The following ZEB1 variants were observed in gnomAD, a reference collection of about 807,000 sequenced individuals.
ZEB1 encodes zinc finger E-box-binding homeobox 1.
A neutral mutation model predicts 84.9 loss-of-function variants in ZEB1; 21 were observed. The ratio of observed to expected loss-of-function variants is 0.25; its 90% CI spans 0.18 to 0.36. The LOEUF (loss-of-function observed/expected upper bound fraction) is 0.36, where lower values mean the gene tolerates loss of function less well. ZEB1 is among the 10% of genes least tolerant of loss of function. ZEB1 has a pLI of 1.00. For synonymous variants in ZEB1, 420 were observed against 471.1 expected, an observed-to-expected ratio of 0.89 and a Z score of 1.41; for missense variants, 1,104 against 1,330.2, an observed-to-expected ratio of 0.83 and a Z score of 2.65.
intron 1 of ZEB1, among the ~76,000 whole-genome samples, chr10:31,394,365 T>C (rs921373836): frequency 4.6e-5 from 7 of 152,194 alleles, no homozygotes; most frequent in African/African-American, 9.6e-5. Context: ...TGGGAAGACA[T>C]TGACGCTCAG....
intron 1 of ZEB1, among the ~76,000 whole-genome samples, chr10:31,447,286 T>C (rs2059917299): frequency 6.8e-6 from 1 of 147,912 alleles, no homozygotes; most frequent in South Asian, 2.2e-4. Flanking sequence ...CCTCCATCCT[T>C]TTATTTTGAG....
At chr10:31,428,881 T>C (rs529583037) in intron 1 of ZEB1, among the ~76,000 whole-genome samples, 16 of 152,240 alleles carry the variant, frequency 1.1e-4, no homozygotes, top group Non-Finnish European at 1.9e-4. Context: ...TTGCAACCCC[T>C]GCTTTTTGTT....
chr10:31,454,841 A>G (rs926919801), intron 1 of ZEB1, among the ~76,000 whole-genome samples: 3 of 152,172 alleles, frequency 2.0e-5, no homozygotes, highest in African/African-American at 7.2e-5. Flanking sequence ...TACTGCCGAA[A>G]GTAATTTATA....
intron 1 of ZEB1, among the ~76,000 whole-genome samples, chr10:31,441,395 C>G (rs1180062441): frequency 1.3e-5 from 2 of 152,150 alleles, no homozygotes; most frequent in East Asian, 1.9e-4. Flanking sequence ...ACACCTGATA[C>G]AAAAATTAAT....
chr10:31,452,747 GAGAGAGA>G lies in ZEB1; in HGVS notation c.59-8289_59-8283del. On this transcript the variant is annotated intron_variant, in intron 1 of 8. Transcript: ENST00000424869. ...TGTGTGTGTGTGTGTGTGTGTGAGAGAGAGAGAGAGAGAGAGAGAGAGAGAGAGATGT... is the reference window on the plus strand; with the variant it reads ...TGTGTGTGTGTGTGTGTGTGTGAGAGGAGAGAGAGAGAGAGAGAGAGATGT... Among the ~76,000 whole-genome samples the G allele has an allele frequency of 5.1e-5, 5 of 97,134 alleles. No individual in the cohort carries two copies. The South Asian group carries it at 1.6e-3, about 32-fold the overall frequency. 63.7% of individuals were successfully genotyped at this position (97,134 alleles called of 152,430 possible).
At chr10:31,430,732 C>A (rs2057609220) in intron 1 of ZEB1, among the ~76,000 whole-genome samples, 1 of 152,068 alleles carries the variant, frequency 6.6e-6, no homozygotes. Flanking sequence ...GGAAATAAAT[C>A]AGTCTATGGA....
At chr10:31,346,294 G>A (rs182956710) in intron 1 of ZEB1, among the ~76,000 whole-genome samples, 1 of 152,214 alleles carries the variant, frequency 6.6e-6, no homozygotes, top group African/African-American at 2.4e-5. Flanking sequence ...CTACTTCAGG[G>A]TTATTTTAAG....
chr10:31,431,550 C>A (rs2057713629), intron 1 of ZEB1, among the ~76,000 whole-genome samples: 1 of 151,934 alleles, frequency 6.6e-6, no homozygotes, highest in Admixed American at 6.6e-5. Context: ...TTTTAATAAG[C>A]TTTTTTAAAC....
In ZEB1 at chr10:31,365,049, C is replaced by CT. The variant is rs2044198445; in HGVS notation, c.58+45758dup. 2.6e-5 allele frequency among the ~76,000 whole-genome samples: 4 copies of CT among 152,266 alleles called. No individual in the cohort carries two copies. In the South Asian group the frequency reaches 8.3e-4, roughly 32 times the overall value. ...TTTCACCCCAGATGTTCTTTCTCGT[C>CT]TGATGGGAAGGATCCAAGTATGTAA... On this transcript the variant is annotated intron_variant, in intron 1 of 8. Transcript: ENST00000424869.
At chr10:31,370,539 C>T (rs1052334604) in intron 1 of ZEB1, among the ~76,000 whole-genome samples, 1 of 152,148 alleles carries the variant, frequency 6.6e-6, no homozygotes, top group East Asian at 1.9e-4. Context: ...GAATGTATGT[C>T]TTAAAGCTAA....
intron 1 of ZEB1, among the ~76,000 whole-genome samples, chr10:31,449,015 G>T (rs1401984695): frequency 6.6e-6 from 1 of 152,210 alleles, no homozygotes; most frequent in Admixed American, 6.5e-5. Context: ...CCCCAGCCTC[G>T]CTGCCGCCTT....
chr10:31,414,646 G>T (rs1366979327), intron 1 of ZEB1, among the ~76,000 whole-genome samples: 1 of 152,168 alleles, frequency 6.6e-6, no homozygotes, highest in African/African-American at 2.4e-5. Flanking sequence ...TTTAGAGGTT[G>T]TGAGTTGATA....
chr10:31,379,978 A>G (rs1157763453), intron 1 of ZEB1, among the ~76,000 whole-genome samples: 3 of 152,182 alleles, frequency 2.0e-5, no homozygotes, highest in Non-Finnish European at 2.9e-5. Flanking sequence ...AAAATTAACA[A>G]TAACTACTAA....
intron 2 of ZEB1, among the ~76,000 whole-genome samples, chr10:31,474,727 C>G (rs923420833): frequency 1.3e-5 from 2 of 152,022 alleles, no homozygotes; most frequent in African/African-American, 4.8e-5. Context: ...ACCCAAAGGA[C>G]TATAAATCAT....
At chr10:31,373,176 AAG>A (rs1297661438) in intron 1 of ZEB1, 1 of 984,152 alleles carries the variant, frequency 1.0e-6, no homozygotes, top group Non-Finnish European at 1.2e-6. Flanking sequence ...AGTCAATGGT[AAG>A]AGTTTTCATT....
At chr10:31,473,712 T>C (rs2063626026) in intron 2 of ZEB1, among the ~76,000 whole-genome samples, 1 of 149,564 alleles carries the variant, frequency 6.7e-6, no homozygotes, top group Admixed American at 6.7e-5. Context: ...AAAACTACTT[T>C]AAAGTTCATA....
intron 1 of ZEB1, among the ~76,000 whole-genome samples, chr10:31,385,509 CT>C (rs1446890567): frequency 1.4e-5 from 2 of 148,078 alleles, no homozygotes; most frequent in East Asian, 3.9e-4. Flanking sequence ...TTTCTTTTTT[CT>C]TTTCTTTTTT....
At chr10:31,519,221 T>G (rs951858350) in intron 6 of ZEB1, among the ~76,000 whole-genome samples, 2 of 152,182 alleles carry the variant, frequency 1.3e-5, no homozygotes, top group African/African-American at 4.8e-5. Flanking sequence ...AATTATAAAT[T>G]AGTGAACTAT....
chr10:31,344,748 G>C (rs577430388), intron 1 of ZEB1, among the ~76,000 whole-genome samples: 4 of 152,160 alleles, frequency 2.6e-5, no homozygotes, highest in African/African-American at 9.6e-5. Context: ...TTTAGACTCC[G>C]ATTGTGGGAA....
Sources: allele counts gnomAD v4.1 joint callset (sites outside exome capture counted in the v4.1 genomes callset), GRCh38; gene constraint gnomAD v4.1.1; transcripts MANE v1.5; gene names NCBI Gene and HGNC (gene_info 2026-07-23, HGNC 2026-07-21).